Variants in KBTBD2 observed in about 807,000 individuals in gnomAD.
KBTBD2 encodes kelch repeat and BTB domain-containing protein 2.
KBTBD2 carries 17 observed loss-of-function variants against 57.1 expected under a neutral mutation model. That is an observed-to-expected ratio of 0.30 (90% CI 0.20 to 0.45). The LOEUF (loss-of-function observed/expected upper bound fraction) is 0.45. KBTBD2 is among the 20% of genes least tolerant of loss of function. The pLI is 1.00. For missense variants in KBTBD2, 515 were observed against 750.6 expected (o/e 0.69, Z 3.67); for synonymous variants, 267 against 262.7 (o/e 1.02, Z -0.16).
intron 3 of KBTBD2, among the ~76,000 whole-genome samples, chr7:32,872,207 G>C (rs1228070163): frequency 6.6e-6 from 1 of 151,902 alleles, no homozygotes; most frequent in East Asian, 1.9e-4. Flanking sequence ...AACAGAACAA[G>C]ACATGTCTCT....
chr7:32,868,331 A>G lies in KBTBD2; in HGVS notation c.*1014T>C, dbSNP rs1287931182. The G allele has an allele frequency of 6.6e-6, 1 of 152,618 alleles. No individual in the cohort carries two copies. The highest frequency in any genetic ancestry group is 2.4e-5 in the African/African-American group (1 of 41,434). The allele number at this position is 152,618 out of a possible 1,614,324, so 9.5% of individuals were successfully genotyped here. On this transcript the variant is annotated 3_prime_UTR_variant, in exon 4 of 4. Coordinates refer to ENST00000304056, the MANE Select transcript of KBTBD2 (RefSeq NM_015483.3). ...GCTAGTGGTTCCTGGGATTAATGCC[A>G]GAGCAGCGCTAGTTATCTGCTCTTC...
chr7:32,890,282 T>C (rs1784697660), intron 1 of KBTBD2, among the ~76,000 whole-genome samples: 1 of 152,210 alleles, frequency 6.6e-6, no homozygotes, highest in Non-Finnish European at 1.5e-5. Flanking sequence ...AGTGAAGAAG[T>C]AAGCTTAACA....
chr7:32,884,966 G>GTGTGTATATATATATACACATA (rs1784532685), intron 1 of KBTBD2, among the ~76,000 whole-genome samples: 2 of 128,818 alleles, frequency 1.6e-5, no homozygotes, highest in African/African-American at 6.4e-5. Context: ...ATATATGTGT[G>GTGTGTATATATATATACACATA]TATGTGTGTG....
At chr7:32,878,134 G>A (rs917614166) in intron 2 of KBTBD2, among the ~76,000 whole-genome samples, 1 of 151,356 alleles carries the variant, frequency 6.6e-6, no homozygotes, top group Admixed American at 6.6e-5. Context: ...AAAAATTGTA[G>A]GCATAGCAAA....
rs1343501403 is a variant in KBTBD2, at chr7:32,876,225, T to A, written c.171-1068A>T. On this transcript the variant is annotated intron_variant, in intron 2 of 3. Coordinates refer to ENST00000304056, the MANE Select transcript of KBTBD2 (RefSeq NM_015483.3). ...AGAGAAAAGCTTCTGCATGTAGCGG[T>A]CAACAGTGAGTGTCACAACAGTCAC... Among the ~76,000 whole-genome samples the A allele has an allele frequency of 2.6e-5, 4 of 152,172 alleles. No individual in the cohort carries two copies. In the East Asian group the frequency reaches 7.7e-4, roughly 29 times the overall value.
chr7:32,871,889 G>A (rs924173586), intron 3 of KBTBD2, among the ~76,000 whole-genome samples: 1 of 152,034 alleles, frequency 6.6e-6, no homozygotes, highest in African/African-American at 2.4e-5. Flanking sequence ...TGAGCAAGCA[G>A]AAGTAGTATA....
At chr7:32,887,406 AAT>A in intron 1 of KBTBD2, among the ~76,000 whole-genome samples, 1 of 152,250 alleles carries the variant, frequency 6.6e-6, no homozygotes, top group Non-Finnish European at 1.5e-5. Flanking sequence ...CCACAAAAAA[AAT>A]AAGTACATGA....
chr7:32,886,366 T>C (rs965708209), intron 1 of KBTBD2, among the ~76,000 whole-genome samples: 2 of 152,220 alleles, frequency 1.3e-5, no homozygotes, highest in Non-Finnish European at 2.9e-5. Context: ...AGGTTCTGAG[T>C]GAATTCCAAC....
intron 3 of KBTBD2, chr7:32,874,666 A>C (rs1784265979): frequency 5.9e-6 from 1 of 169,608 alleles, no homozygotes; most frequent in Admixed American, 6.2e-5. Flanking sequence ...TAAACCAATA[A>C]GCTACAACTC....
Position 32,869,552 on chromosome 7 carries a change from G to T in KBTBD2, c.1665C>A (p.Asp555Glu). The T allele has an allele frequency of 1.9e-6, 3 of 1,614,128 alleles. No homozygotes were observed. Among genetic ancestry groups the T allele is most frequent in the Middle Eastern group, 3.3e-4 (2 of 6,062 alleles). ...GCAGAGACCACCGGTCAAGTTCCAG[G>T]TCATATTGGTAGGTGACGTATTTAG... ...ERAKYVTYQY[D>E]LELDRWSLRQ... The change falls in exon 4 of 4, where the codon GAC becomes GAA. Residue 555 changes from aspartate to glutamate, a missense_variant. By Grantham distance (45) the Asp-to-Glu change is conservative (BLOSUM62 2). Transcript: ENST00000304056.
chr7:32,886,306 T>C (rs1194933104), intron 1 of KBTBD2, among the ~76,000 whole-genome samples: 3 of 152,204 alleles, frequency 2.0e-5, no homozygotes, highest in Non-Finnish European at 4.4e-5. Flanking sequence ...TATAAACTGA[T>C]TGAAAACAAA....
At chr7:32,873,836 G>T (rs1784241113) in intron 3 of KBTBD2, among the ~76,000 whole-genome samples, 1 of 152,124 alleles carries the variant, frequency 6.6e-6, no homozygotes, top group African/African-American at 2.4e-5. Flanking sequence ...TTTATTAACA[G>T]ATTTACATTC....
chr7:32,876,223 G>A (rs552985541), intron 2 of KBTBD2, among the ~76,000 whole-genome samples: 20 of 152,152 alleles, frequency 1.3e-4, no homozygotes, highest in South Asian at 2.1e-4. Context: ...TGCATGTAGC[G>A]GTCAACAGTG....
chr7:32,880,973 T>C (rs576576421), intron 1 of KBTBD2, among the ~76,000 whole-genome samples: 1 of 152,034 alleles, frequency 6.6e-6, no homozygotes, highest in East Asian at 1.9e-4. Flanking sequence ...TGGTAGTGTG[T>C]GCCTGTAATC....
At chr7:32,881,260 A>G (rs936384245) in intron 1 of KBTBD2, among the ~76,000 whole-genome samples, 6 of 152,202 alleles carry the variant, frequency 3.9e-5, no homozygotes, top group African/African-American at 1.4e-4. Flanking sequence ...CATCAAAAAA[A>G]AAAACCAAAA....
rs114616513 is a variant in KBTBD2, at chr7:32,885,295, C to T, written c.-338-5353G>A. 4.8e-3 allele frequency among the ~76,000 whole-genome samples: 722 copies of T among 151,862 alleles called. 9 individuals carry two copies. The highest frequency in any genetic ancestry group is 0.017 in the African/African-American group (685 of 41,412). On this transcript the variant is annotated intron_variant, in intron 1 of 3. Coordinates refer to ENST00000304056, the MANE Select transcript of KBTBD2 (RefSeq NM_015483.3). ...CAAGGAAAAGCACAAACTTTAAATTCCTGAACGCGGAATTAAATATAATTC... is the reference window on the plus strand; with the variant it reads ...CAAGGAAAAGCACAAACTTTAAATTTCTGAACGCGGAATTAAATATAATTC...
intron 3 of KBTBD2, 71 bp from the exon 4 acceptor site, chr7:32,870,951 G>A (rs1292234777): frequency 3.8e-5 from 33 of 869,018 alleles, no homozygotes; most frequent in Non-Finnish European, 4.8e-5. Context: ...TATGTAAGAC[G>A]TAAGTATATT....
intron 2 of KBTBD2, among the ~76,000 whole-genome samples, chr7:32,878,391 C>G (rs752875520): frequency 1.3e-5 from 2 of 151,882 alleles, no homozygotes; most frequent in African/African-American, 4.8e-5. Flanking sequence ...CCAGCCTGAC[C>G]AACATGGTGA....
At chr7:32,871,921 A>G (rs1428696633) in intron 3 of KBTBD2, among the ~76,000 whole-genome samples, 1 of 152,008 alleles carries the variant, frequency 6.6e-6, no homozygotes, top group South Asian at 2.1e-4. Context: ...AAAATGGCAG[A>G]AAAAAAATGT....
Sources: allele counts gnomAD v4.1 joint callset (sites outside exome capture counted in the v4.1 genomes callset), GRCh38; gene constraint gnomAD v4.1.1; transcripts MANE v1.5; gene names NCBI Gene and HGNC (gene_info 2026-07-23, HGNC 2026-07-21).